Variants in MAGI1 observed in about 807,000 individuals in gnomAD.
The protein encoded by MAGI1 is membrane-associated guanylate kinase, WW and PDZ domain-containing protein 1.
MAGI1 carries 58 observed loss-of-function variants against 139.9 expected under a neutral mutation model. That is an observed-to-expected ratio of 0.41 (90% CI 0.34 to 0.52). The LOEUF is 0.52. Ranked by LOEUF, MAGI1 falls within the 20% of genes least tolerant of loss-of-function variation. The pLI, the probability that MAGI1 is intolerant of heterozygous loss-of-function variation, is 0.12. For missense variants in MAGI1, 1,874 were observed against 1,901.6 expected, an observed-to-expected ratio of 0.99 and a Z score of 0.27; for synonymous variants, 812 against 737.9, an observed-to-expected ratio of 1.10 and a Z score of -1.63.
In MAGI1 at chr3:65,752,780, C is replaced by G. The variant is rs1379047921; in HGVS notation, c.314-130692G>C. ...AAGAATCCTACTCAGTCATATCCCA[C>G]CCCGACTTCAATCCTTGACATCTTA... On this transcript the variant is annotated intron_variant, in intron 1 of 22. Transcript: ENST00000402939. Among the ~76,000 whole-genome samples, 5 of 152,192 alleles carry G rather than the reference C, an allele frequency of 3.3e-5. No individual in the cohort carries two copies. In the East Asian group the frequency reaches 9.7e-4, roughly 29 times the overall value.
chr3:65,693,553 GA>G (rs1379497720), intron 1 of MAGI1, among the ~76,000 whole-genome samples: 9 of 152,130 alleles, frequency 5.9e-5, no homozygotes, highest in African/African-American at 2.2e-4. Context: ...TAATTTCCTG[GA>G]GGAGCTTTAA....
At chr3:65,878,159 A>G (rs2060188673) in intron 1 of MAGI1, among the ~76,000 whole-genome samples, 1 of 152,084 alleles carries the variant, frequency 6.6e-6, no homozygotes, top group Non-Finnish European at 1.5e-5. Context: ...ACAAAACCAC[A>G]CTGGGCTTTG....
chr3:65,967,929 C>G (rs1048882931), intron 1 of MAGI1, among the ~76,000 whole-genome samples: 2 of 152,118 alleles, frequency 1.3e-5, no homozygotes, highest in African/African-American at 4.8e-5. Context: ...AATGCCCACA[C>G]CTGGGGGTCA....
At chr3:65,734,525 A>AAGAAAGAGAGAGAG (rs1384938684) in intron 1 of MAGI1, among the ~76,000 whole-genome samples, 2 of 147,772 alleles carry the variant, frequency 1.4e-5, no homozygotes, top group African/African-American at 5.1e-5. Context: ...GAAAGAGAGA[A>AAGAAAGAGAGAGAG]AGAGAGAGGG....
At position 65,353,781 on chromosome 3, in the gene MAGI1, G is replaced by A. The variant is rs1940091849; in HGVS notation, c.*2597C>T. On this transcript the variant is annotated 3_prime_UTR_variant, in exon 23 of 23. Coordinates refer to ENST00000402939, the MANE Select transcript of MAGI1 (RefSeq NM_001033057.2). ...GGGGGCGGCGGGATTAAGGAAAGTA[G>A]GCTCACAAGAATCAGTTTCCAATTT... is the stretch of plus-strand genomic sequence containing the variant. The A allele has an allele frequency of 6.6e-6, 1 of 152,116 alleles. No individual in the cohort carries two copies. The highest frequency in any genetic ancestry group is 1.5e-5 in the Non-Finnish European group (1 of 68,056). 9.4% of individuals were successfully genotyped at this position (152,116 alleles called of 1,614,324 possible).
chr3:65,947,366 AT>A (rs1025207636), intron 1 of MAGI1, among the ~76,000 whole-genome samples: 1 of 152,214 alleles, frequency 6.6e-6, no homozygotes, highest in Non-Finnish European at 1.5e-5. Flanking sequence ...TCCTAAATAT[AT>A]TTAAAACCTG....
At chr3:65,904,521 C>G (rs1201570511) in intron 1 of MAGI1, among the ~76,000 whole-genome samples, 3 of 152,162 alleles carry the variant, frequency 2.0e-5, no homozygotes, top group African/African-American at 7.2e-5. Context: ...CAACCCAGCT[C>G]CCACTGTTCT....
At chr3:65,516,190 C>CT (rs376805654) in intron 2 of MAGI1, among the ~76,000 whole-genome samples, 18 of 151,764 alleles carry the variant, frequency 1.2e-4, no homozygotes, top group African/African-American at 2.7e-4. Flanking sequence ...CTCTCTCTCT[C>CT]TTTTTTTTGA....
At chr3:65,700,010 A>T (rs1018712467) in intron 1 of MAGI1, among the ~76,000 whole-genome samples, 1 of 152,094 alleles carries the variant, frequency 6.6e-6, no homozygotes, top group African/African-American at 2.4e-5. Flanking sequence ...TCCAAAGCAC[A>T]CTCAAGTTTG....
At chr3:65,908,250 T>C (rs980327063) in intron 1 of MAGI1, among the ~76,000 whole-genome samples, 2 of 152,114 alleles carry the variant, frequency 1.3e-5, no homozygotes. Flanking sequence ...CCAACCTCTT[T>C]TTCCTGGTGT....
At chr3:65,361,856 C>T (rs1253727623) in intron 21 of MAGI1, among the ~76,000 whole-genome samples, 1 of 152,138 alleles carries the variant, frequency 6.6e-6, no homozygotes, top group Non-Finnish European at 1.5e-5. Flanking sequence ...GAGGGACTGC[C>T]CTATAAGGCA....
At chr3:65,637,556 A>AAAAG (rs60686455) in intron 1 of MAGI1, among the ~76,000 whole-genome samples, 18,836 of 127,744 alleles carry the variant, frequency 0.15, 1,478 homozygotes, top group African/African-American at 0.16. Context: ...TGTCTCCAAA[A>AAAAG]AAAGAAAGAA....
chr3:65,507,098 T>C (rs755840181), intron 2 of MAGI1, among the ~76,000 whole-genome samples: 2 of 152,056 alleles, frequency 1.3e-5, no homozygotes, highest in Non-Finnish European at 2.9e-5. Context: ...TAAAGAAGAA[T>C]TGGGTACAAT....
intron 1 of MAGI1, among the ~76,000 whole-genome samples, chr3:65,780,587 C>G (rs188901371): frequency 9.5e-4 from 144 of 152,224 alleles, no homozygotes; most frequent in African/African-American, 3.3e-3. Context: ...TGGTTAACAG[C>G]TGACTTAAAG....
intron 16 of MAGI1, among the ~76,000 whole-genome samples, chr3:65,379,905 C>G (rs776409438): frequency 3.2e-4 from 48 of 152,018 alleles, no homozygotes; most frequent in Non-Finnish European, 6.0e-4. Flanking sequence ...AGGGCCTAAG[C>G]GTAGGTGAGG....
At position 65,470,460 on chromosome 3, in the gene MAGI1, T is replaced by C. The variant is rs113860090; in HGVS notation, c.782A>G (p.His261Arg). ...TGGTAATGCTGTTTCTTGGAGAGTG[T>C]GCTCCTCTTGTTCACCAGAATCGGC... ...FTADSGEQEE[H>R]TLQETALPPV... The change falls in exon 5 of 23, where the codon CAC (histidine) becomes CGC (arginine). Residue 261 changes from histidine (H) to arginine (R), a missense_variant. Transcript: ENST00000402939. 8.0e-3 allele frequency: 12,872 copies of C among 1,612,650 alleles called. 72 individuals are homozygous for C. The highest frequency in any genetic ancestry group is 9.0e-3 in the Non-Finnish European group (10,607 of 1,179,544).
chr3:65,581,646 C>T (rs1423964006), intron 2 of MAGI1, among the ~76,000 whole-genome samples: 1 of 152,134 alleles, frequency 6.6e-6, no homozygotes, highest in East Asian at 1.9e-4. Flanking sequence ...TTAATACTCT[C>T]CACTCTATCT....
At chr3:65,898,629 T>C (rs921429504) in intron 1 of MAGI1, among the ~76,000 whole-genome samples, 7 of 152,130 alleles carry the variant, frequency 4.6e-5, no homozygotes, top group Admixed American at 3.9e-4. Context: ...ACACTTAGTA[T>C]ACAAAGTCCT....
intron 2 of MAGI1, among the ~76,000 whole-genome samples, chr3:65,527,875 C>G (rs948115601): frequency 2.0e-5 from 3 of 151,648 alleles, no homozygotes; most frequent in African/African-American, 7.3e-5. Flanking sequence ...CCACTGCACT[C>G]CAGCCTGGGC....
Sources: gnomAD v4.1 joint callset for allele counts (sites outside exome capture counted in the v4.1 genomes callset) on GRCh38, gnomAD v4.1.1 for gene constraint, MANE v1.5 for transcripts, NCBI Gene and HGNC (gene_info 2026-07-23, HGNC 2026-07-21) for gene names.